The following HIVEP2 variants were observed in gnomAD, a reference collection of about 807,000 sequenced individuals.
The protein encoded by HIVEP2 is transcription factor HIVEP2.
HIVEP2 carries 14 observed loss-of-function variants against 180.7 expected under a neutral mutation model. The ratio of observed to expected loss-of-function variants is 0.08; its 90% confidence interval spans 0.05 to 0.12. HIVEP2 has a LOEUF of 0.12. HIVEP2 is among the 10% of genes least tolerant of loss of function. The probability of loss-of-function intolerance (pLI) is 1.00; values close to 1 mark genes in which losing one functional copy is unlikely to be tolerated. For missense variants in HIVEP2, 2,579 were observed against 3,008.5 expected (o/e 0.86, Z 3.34); for synonymous variants, 1,184 against 1,136.4 (o/e 1.04, Z -0.84).
At position 142,792,476 on chromosome 6, in the gene HIVEP2, G is replaced by A. The variant is rs548051340; in HGVS notation, c.-527-8861C>T. Among the ~76,000 whole-genome samples, 32 of 152,082 alleles carry A rather than the reference G, an allele frequency of 2.1e-4. 1 individual carries two copies. Among genetic ancestry groups the A allele is most frequent in the Non-Finnish European group, 4.6e-4 (31 of 67,976 alleles). On this transcript the variant is annotated intron_variant, in intron 2 of 9. Coordinates refer to ENST00000367603, the MANE Select transcript of HIVEP2 (RefSeq NM_006734.4). Reference sequence around the variant, plus strand: ...AACTAACAGGGGAACAGAAAAACACGGCATGTTCTCACTCATAAGTGGGAG... The same window carrying A: ...AACTAACAGGGGAACAGAAAAACACAGCATGTTCTCACTCATAAGTGGGAG...
chr6:142,837,251 G>A (rs1335469992), intron 1 of HIVEP2, among the ~76,000 whole-genome samples: 2 of 152,056 alleles, frequency 1.3e-5, no homozygotes, highest in Admixed American at 1.3e-4. Flanking sequence ...GAATGTTCAA[G>A]CATAGAGAAA....
intron 2 of HIVEP2, among the ~76,000 whole-genome samples, chr6:142,808,332 G>A (rs1051154314): frequency 7.2e-5 from 11 of 152,062 alleles, no homozygotes; most frequent in Non-Finnish European, 1.2e-4. Context: ...TGGAAGGAAG[G>A]AGGGAGGGAG....
chr6:142,932,885 C>T (rs1471836980), intron 1 of HIVEP2, among the ~76,000 whole-genome samples: 1 of 152,198 alleles, frequency 6.6e-6, no homozygotes, highest in African/African-American at 2.4e-5. Context: ...AGAAACTTTA[C>T]ATTGCAGAGT....
chr6:142,928,612 A>G (rs13207791), intron 1 of HIVEP2, among the ~76,000 whole-genome samples: 8,885 of 152,276 alleles, frequency 0.058, 355 homozygotes, highest in Middle Eastern at 0.11. Context: ...CTTATTTCCT[A>G]AACATCTGAA....
intron 1 of HIVEP2, among the ~76,000 whole-genome samples, chr6:142,895,897 T>C (rs1424622444): frequency 6.6e-6 from 1 of 152,196 alleles, no homozygotes; most frequent in Non-Finnish European, 1.5e-5. Flanking sequence ...CATTTTCATA[T>C]AAAACCTGAC....
intron 2 of HIVEP2, among the ~76,000 whole-genome samples, chr6:142,830,359 G>A (rs1452522940): frequency 6.6e-6 from 1 of 152,054 alleles, no homozygotes; most frequent in African/African-American, 2.4e-5. Flanking sequence ...TCGTGAGATG[G>A]CAATGATCAC....
chr6:142,759,850 GGGAGAT>G lies in HIVEP2; in HGVS notation c.6432_6437del (p.Ser2145_Pro2146del). ...GTGGGTTATGGTATAAAGCCCTTCTGGGAGATGGCGCTCTTATTGTGGTCATGTATC... is the reference window on the plus strand; with the variant it reads ...GTGGGTTATGGTATAAAGCCCTTCTGGGCGCTCTTATTGTGGTCATGTATC... On this transcript the variant is annotated inframe_deletion, in exon 9 of 10. Coordinates refer to ENST00000367603, the MANE Select transcript of HIVEP2 (RefSeq NM_006734.4). 4 of 1,614,042 alleles carry G rather than the reference GGGAGAT, an allele frequency of 2.5e-6. No individual in the cohort carries two copies. Among genetic ancestry groups the G allele is most frequent in the Non-Finnish European group, 3.4e-6 (4 of 1,179,908 alleles).
At chr6:142,877,968 C>A (rs1026890049) in intron 1 of HIVEP2, among the ~76,000 whole-genome samples, 3 of 151,964 alleles carry the variant, frequency 2.0e-5, no homozygotes, top group Non-Finnish European at 4.4e-5. Flanking sequence ...TTGTGTGTTT[C>A]TGTGTGTGTG....
At chr6:142,937,624 A>G (rs996408637) in intron 1 of HIVEP2, among the ~76,000 whole-genome samples, 3 of 152,202 alleles carry the variant, frequency 2.0e-5, no homozygotes, top group Non-Finnish European at 4.4e-5. Context: ...GTGCTAAGTG[A>G]TAAATATGGT....
intron 1 of HIVEP2, among the ~76,000 whole-genome samples, chr6:142,939,016 A>G (rs986953608): frequency 6.6e-6 from 1 of 152,176 alleles, no homozygotes; most frequent in Non-Finnish European, 1.5e-5. Context: ...AATTTTAACT[A>G]TAAACATGTC....
intron 1 of HIVEP2, among the ~76,000 whole-genome samples, chr6:142,936,250 T>A (rs559671378): frequency 1.3e-5 from 2 of 151,574 alleles, no homozygotes; most frequent in East Asian, 3.9e-4. Context: ...TGGAGTGCGG[T>A]GGGGCGATCT....
chr6:142,852,429 T>C (rs1385709422), intron 1 of HIVEP2, among the ~76,000 whole-genome samples: 1 of 152,110 alleles, frequency 6.6e-6, no homozygotes, highest in East Asian at 1.9e-4. Context: ...CTAGTGAAGG[T>C]CAGACACTGA....
In HIVEP2 at chr6:142,759,955, C is replaced by T. The variant is rs1775181611; in HGVS notation, c.6333G>A (p.Leu2111=). ...SQRDVSPRRH[L]SPRRPVSPGK... is the part of the protein sequence containing the mutation. ...CAGGAGACACTGGCCTCCTTGGAGA[C>T]AAATGCCTTCTTGGTGAAACATCTC... The change falls in exon 9 of 10, where the codon TTG becomes TTA. Residue 2111 remains leucine, a synonymous_variant. Coordinates refer to ENST00000367603, the MANE Select transcript of HIVEP2 (RefSeq NM_006734.4). The T allele has an allele frequency of 6.2e-7, 1 of 1,613,944 alleles. No homozygotes were observed. Among genetic ancestry groups the T allele is most frequent in the East Asian group, 2.2e-5 (1 of 44,878 alleles).
chr6:142,900,798 C>T (rs1344332417), intron 1 of HIVEP2, among the ~76,000 whole-genome samples: 1 of 152,170 alleles, frequency 6.6e-6, no homozygotes, highest in African/African-American at 2.4e-5. Flanking sequence ...TATTATAATA[C>T]ACACATAAAA....
At chr6:142,904,988 T>C (rs1326151089) in intron 1 of HIVEP2, among the ~76,000 whole-genome samples, 1 of 152,226 alleles carries the variant, frequency 6.6e-6, no homozygotes, top group South Asian at 2.1e-4. Flanking sequence ...CTTTTAAGAT[T>C]TGTTAAAACC....
rs1211719377 is a variant in HIVEP2, at chr6:142,774,112, C to T, written c.627G>A (p.Arg209=). ...GATATGGCCGCTCCCCAGTATGGGACCTGATGTGTTTTTTCAGTACACTAG... is the reference window on the plus strand; with the variant it reads ...GATATGGCCGCTCCCCAGTATGGGATCTGATGTGTTTTTTCAGTACACTAG... ...AKPSVLKKHI[R]SHTGERPYPC... is the part of the protein sequence containing the mutation. Residue 209 remains arginine, a synonymous_variant, in exon 5 of 10, where the codon AGG becomes AGA. Coordinates refer to ENST00000367603, the MANE Select transcript of HIVEP2 (RefSeq NM_006734.4). This position sits in a 1 kb window ranked among gnomAD's most constrained non-coding sequence, Gnocchi z 5.1. 2 of 1,614,136 alleles carry T rather than the reference C, an allele frequency of 1.2e-6. No homozygotes were observed. The highest frequency in any genetic ancestry group is 1.7e-6 in the Non-Finnish European group (2 of 1,180,038).
chr6:142,857,536 G>A (rs1020715012), intron 1 of HIVEP2, among the ~76,000 whole-genome samples: 18 of 152,212 alleles, frequency 1.2e-4, no homozygotes, highest in African/African-American at 4.1e-4. Flanking sequence ...ATCATGAGCA[G>A]AATTCTACTT....
At chr6:142,779,151 A>C (rs559940118) in intron 3 of HIVEP2, among the ~76,000 whole-genome samples, 2 of 152,242 alleles carry the variant, frequency 1.3e-5, no homozygotes, top group African/African-American at 2.4e-5. Flanking sequence ...GGCTGGACTC[A>C]AACTCATGGG....
chr6:142,870,467 T>G (rs975008921), intron 1 of HIVEP2, among the ~76,000 whole-genome samples: 5 of 152,206 alleles, frequency 3.3e-5, no homozygotes, highest in African/African-American at 1.2e-4. Context: ...CCTCTCCTTC[T>G]TCTTTCTCTG....
Sources: gnomAD v4.1 joint callset for allele counts (sites outside exome capture counted in the v4.1 genomes callset) on GRCh38, gnomAD v4.1.1 for gene constraint, Gnocchi (gnomAD v3.1) non-coding constraint, MANE v1.5 for transcripts, NCBI Gene and HGNC (gene_info 2026-07-23, HGNC 2026-07-21) for gene names.